NCKAP5: variants seen among roughly 807,000 people sequenced by gnomAD.
The protein encoded by NCKAP5 is NCK associated protein 5.
NCKAP5 carries 92 observed loss-of-function variants against 167.0 expected under a neutral mutation model. The ratio of observed to expected loss-of-function variants is 0.55; its 90% CI spans 0.47 to 0.66. The LOEUF (loss-of-function observed/expected upper bound fraction) is 0.66. Ranked by LOEUF, NCKAP5 falls within the 30% of genes least tolerant of loss-of-function variation. NCKAP5 has a pLI of 0.00. For missense variants in NCKAP5, 2,378 were observed against 2,315.0 expected, an observed-to-expected ratio of 1.03 and a Z score of -0.56; for synonymous variants, 891 against 877.4, an observed-to-expected ratio of 1.02 and a Z score of -0.27.
chr2:133,035,710 A>G (rs1394326415), intron 6 of NCKAP5, among the ~76,000 whole-genome samples: 1 of 151,928 alleles, frequency 6.6e-6, no homozygotes, highest in Non-Finnish European at 1.5e-5. Flanking sequence ...GTTTATAGAT[A>G]TAAGTGGCTA....
At chr2:133,502,793 A>T (rs951718015) in intron 3 of NCKAP5, among the ~76,000 whole-genome samples, 3 of 152,244 alleles carry the variant, frequency 2.0e-5, no homozygotes, top group African/African-American at 7.2e-5. Flanking sequence ...GAAGCACAGT[A>T]CTTCGGAAAT....
At chr2:133,631,257 T>A in the NCKAP5 span, among the ~76,000 whole-genome samples, 1 of 152,182 alleles carries the variant, frequency 6.6e-6, no homozygotes, top group East Asian at 1.9e-4. Flanking sequence ...AACCACTGTT[T>A]TAAAATTTGC....
At chr2:133,419,177 T>C (rs1037307220) in intron 3 of NCKAP5, among the ~76,000 whole-genome samples, 1 of 152,204 alleles carries the variant, frequency 6.6e-6, no homozygotes, top group Non-Finnish European at 1.5e-5. Context: ...CACTCTAGAA[T>C]GTTCAAGGTA....
At chr2:133,059,679 A>C in intron 6 of NCKAP5, among the ~76,000 whole-genome samples, 1 of 152,082 alleles carries the variant, frequency 6.6e-6, no homozygotes, top group Non-Finnish European at 1.5e-5. Flanking sequence ...ATTTCAAAAA[A>C]AAAAAAGAAA....
At chr2:132,976,654 C>T (rs1337610626) in intron 7 of NCKAP5, among the ~76,000 whole-genome samples, 4 of 150,618 alleles carry the variant, frequency 2.7e-5, no homozygotes, top group African/African-American at 7.3e-5. Context: ...TTTAAGTGTT[C>T]TCACCACAAG....
At position 132,920,703 on chromosome 2, in the gene NCKAP5, GTATATGTATA is replaced by G. The variant is rs1413521210; in HGVS notation, c.580-41797_580-41788del. Among the ~76,000 whole-genome samples the G allele has an allele frequency of 1.2e-4, 9 of 75,734 alleles. 1 individual carries two copies. The South Asian group carries it at 1.6e-3, about 13-fold the overall frequency. 49.7% of individuals were successfully genotyped at this position (75,734 alleles called of 152,430 possible). A position where few individuals can be genotyped will look rare whatever the true frequency, so the allele number is the denominator to read the frequency against. ...TAAGTTAGTTTATATATATATATAC[GTATATGTATA>G]TATATGTATATATATATATGTATAT... On this transcript the variant is annotated intron_variant, in intron 8 of 19. Coordinates refer to ENST00000409261, the MANE Select transcript of NCKAP5 (RefSeq NM_207363.3).
intron 11 of NCKAP5, among the ~76,000 whole-genome samples, chr2:132,847,878 G>C (rs868125371): frequency 6.6e-6 from 1 of 152,264 alleles, no homozygotes; most frequent in Middle Eastern, 3.4e-3. Context: ...GGTTGCCTGG[G>C]GCTGAGGACT....
chr2:133,167,292 A>G (rs748338354), intron 5 of NCKAP5, among the ~76,000 whole-genome samples: 4 of 152,160 alleles, frequency 2.6e-5, no homozygotes, highest in Admixed American at 6.5e-5. Context: ...AGGCAGCATA[A>G]TGATTTAGCT....
chr2:132,825,392 A>T (rs552921101), intron 11 of NCKAP5, among the ~76,000 whole-genome samples: 1 of 152,322 alleles, frequency 6.6e-6, no homozygotes, highest in South Asian at 2.1e-4. Flanking sequence ...CACCCCTAAG[A>T]GGAAGACAAA....
At chr2:132,780,586 C>T (rs1045785910) in intron 15 of NCKAP5, among the ~76,000 whole-genome samples, 10 of 152,220 alleles carry the variant, frequency 6.6e-5, no homozygotes, top group Admixed American at 5.9e-4. Context: ...ATTGGACATA[C>T]AACTTTCATA....
intron 3 of NCKAP5, among the ~76,000 whole-genome samples, chr2:133,432,291 G>A (rs889618714): frequency 6.6e-6 from 1 of 152,152 alleles, no homozygotes; most frequent in Admixed American, 6.5e-5. Context: ...TCTGTTTCCA[G>A]CACACAGAAT....
At chr2:133,456,848 A>G (rs1325622127) in intron 3 of NCKAP5, among the ~76,000 whole-genome samples, 1 of 152,198 alleles carries the variant, frequency 6.6e-6, no homozygotes, top group Non-Finnish European at 1.5e-5. Context: ...AGTAGTGTCA[A>G]ACCCACACAT....
At chr2:133,370,910 A>G (rs1304522073) in intron 3 of NCKAP5, among the ~76,000 whole-genome samples, 1 of 152,282 alleles carries the variant, frequency 6.6e-6, no homozygotes, top group East Asian at 1.9e-4. Context: ...CTTCAAATGT[A>G]TAAAATGCTT....
chr2:133,593,507 G>T, the NCKAP5 span, among the ~76,000 whole-genome samples: 125 of 152,114 alleles, frequency 8.2e-4, no homozygotes, highest in African/African-American at 2.9e-3. Context: ...ACTTTAAAAT[G>T]AATACTTAAA....
intron 8 of NCKAP5, chr2:132,930,857 T>C (rs987105735): frequency 8.5e-5 from 13 of 152,200 alleles, no homozygotes; most frequent in African/African-American, 3.1e-4. Context: ...GTACTAAATG[T>C]AGGGTCCCAG....
At chr2:133,580,197 C>T in the NCKAP5 span, among the ~76,000 whole-genome samples, 12 of 152,162 alleles carry the variant, frequency 7.9e-5, no homozygotes, top group East Asian at 5.8e-4. Flanking sequence ...CAGGTCACTA[C>T]GGCTTCTTGG....
chr2:133,420,160 A>G lies in NCKAP5; in HGVS notation c.69+97298T>C, dbSNP rs138075768. Reference sequence around the variant, plus strand: ...GATAGACACATTTGTCCACCCAAAAATGTGTACATGAATTTTATAGTAGCA... The same window carrying G: ...GATAGACACATTTGTCCACCCAAAAGTGTGTACATGAATTTTATAGTAGCA... On this transcript the variant is annotated intron_variant, in intron 3 of 19. Transcript: ENST00000409261. 5.4e-4 allele frequency among the ~76,000 whole-genome samples: 82 copies of G among 152,370 alleles called. No individual in the cohort carries two copies. The East Asian group carries it at 0.011, about 21-fold the overall frequency.
At chr2:133,024,978 G>A (rs2078646800) in intron 6 of NCKAP5, among the ~76,000 whole-genome samples, 1 of 152,182 alleles carries the variant, frequency 6.6e-6, no homozygotes, top group Non-Finnish European at 1.5e-5. Flanking sequence ...GATCTGAAAA[G>A]ATAACCAAGT....
intron 18 of NCKAP5, 74 bp downstream of exon 18, chr2:132,728,742 G>C (rs1160506500): frequency 1.3e-6 from 2 of 1,550,952 alleles, no homozygotes; most frequent in Admixed American, 1.9e-5. Context: ...TATCATAAAA[G>C]TGTTTTTAGG....
Sources: gnomAD v4.1 joint callset for allele counts (sites outside exome capture counted in the v4.1 genomes callset) on GRCh38, gnomAD v4.1.1 for gene constraint, MANE v1.5 for transcripts, NCBI Gene and HGNC (gene_info 2026-07-23, HGNC 2026-07-21) for gene names.